ZNF211: variants seen among roughly 807,000 people sequenced by gnomAD.
ZNF211 encodes zinc finger protein 211, also known as zinc finger protein C2H2-25.
Under a neutral mutation model 12.1 loss-of-function variants are expected in ZNF211, and 18 were observed. The observed-to-expected ratio is 1.48, with a 90% CI of 1.03 to 2.20. The LOEUF (loss-of-function observed/expected upper bound fraction) is 2.20, where lower values mean the gene tolerates loss of function less well. Among genes scored for constraint, ZNF211 ranks in the 30% most tolerant of loss-of-function variants. ZNF211 has a pLI of 0.00. For missense variants in ZNF211, 677 were observed against 703.1 expected (o/e 0.96, Z 0.42); for synonymous variants, 249 against 246.0 (o/e 1.01, Z -0.11).
intron 1 of ZNF211, 164 bp from the exon 2 acceptor site, chr19:57,633,859 A>C: frequency 1.9e-6 from 3 of 1,603,152 alleles, no homozygotes; most frequent in Non-Finnish European, 2.5e-6. Context: ...TATTTTTCCA[A>C]GGCCACACAA....
chr19:57,633,532 A>G (rs1981709484), intron 1 of ZNF211, 96 bp downstream of exon 1: 4 of 1,497,232 alleles, frequency 2.7e-6, no homozygotes, highest in South Asian at 1.3e-5. Flanking sequence ...GGTCGGGGAC[A>G]CTGAGGCTCG....
chr19:57,637,564 TG>T (rs1448903327), intron 3 of ZNF211, among the ~76,000 whole-genome samples: 1 of 152,172 alleles, frequency 6.6e-6, no homozygotes, highest in East Asian at 1.9e-4. Context: ...AGTTTTTGTT[TG>T]TTGAACCATC....
At chr19:57,639,790 A>G in intron 3 of ZNF211, 6 of 1,092,354 alleles carry the variant, frequency 5.5e-6, no homozygotes, top group Non-Finnish European at 7.6e-6. Flanking sequence ...TTAACATCCT[A>G]AAGTTACAAC....
At chr19:57,633,637 G>A in intron 1 of ZNF211, 1 of 1,533,814 alleles carries the variant, frequency 6.5e-7, no homozygotes, top group Non-Finnish European at 8.7e-7. Flanking sequence ...AACCGAGAAG[G>A]GGGCATTCAG....
intron 1 of ZNF211, 126 bp from the exon 2 acceptor site, chr19:57,633,896 AG>A: frequency 6.2e-7 from 1 of 1,608,758 alleles, no homozygotes; most frequent in Non-Finnish European, 8.5e-7. Flanking sequence ...CTAAGGACCG[AG>A]GCGCACAGGT....
In ZNF211 at chr19:57,641,537, A is replaced by C; in HGVS notation, c.1090A>C (p.Ser364Arg). 1 of 1,614,204 alleles carries C rather than the reference A, an allele frequency of 6.2e-7. No individual in the cohort carries two copies. The highest frequency in any genetic ancestry group is 8.5e-7 in the Non-Finnish European group (1 of 1,180,036). ...ATGTGGGGAATGTGGGAAATCTTTT[A>C]GCCAAAGGTCCAACCTCATGCAGCA... ...YECGECGKSF[S>R]QRSNLMQHRR... is the part of the protein sequence containing the mutation. The change falls in exon 4 of 4, where the codon AGC becomes CGC. Residue 364 changes from serine (S) to arginine (R), a missense_variant. Physicochemically the swap from Ser to Arg is moderately radical, Grantham distance 110. Transcript: ENST00000240731.
intron 3 of ZNF211, among the ~76,000 whole-genome samples, chr19:57,636,229 C>T (rs1429496977): frequency 6.6e-6 from 1 of 152,086 alleles, no homozygotes; most frequent in Non-Finnish European, 1.5e-5. Flanking sequence ...CTTTGATGTA[C>T]AAGTTTCTCA....
chr19:57,639,408 CTTTTTTTTTTTTTT>C lies in ZNF211; in HGVS notation c.257-1278_257-1265del, dbSNP rs55696059. ...CTTCCCTTGTCATTTCCTTTATGTA[CTTTTTTTTTTTTTT>C]TTTTTTTTTTTTTTTTTAATGGTGT... On this transcript the variant is annotated intron_variant, in intron 3 of 3. Coordinates refer to ENST00000240731, the MANE Select transcript of ZNF211 (RefSeq NM_006385.5). Among the ~76,000 whole-genome samples the C allele has an allele frequency of 9.6e-5, 2 of 20,758 alleles. 1 individual carries two copies. The highest frequency in any genetic ancestry group is 1.8e-4 in the Non-Finnish European group (2 of 11,336). 13.6% of individuals were successfully genotyped at this position (20,758 alleles called of 152,430 possible).
rs1480260325 is a variant in ZNF211 at position 57,640,959 on chromosome 19, T to C, written c.512T>C (p.Ile171Thr). 6.2e-7 allele frequency: 1 copy of C among 1,614,218 alleles called. No homozygotes were observed. The highest frequency in any genetic ancestry group is 1.1e-5 in the South Asian group (1 of 91,088). The part of the protein sequence containing the change: ...ANLQQHQRQH[I>T]TEAPFRSYVD... ...CTTCAACAGCACCAGAGGCAGCACA[T>C]TACAGAGGCACCTTTCAGAAGTTAT... The change falls in exon 4 of 4, where the codon ATT becomes ACT. Residue 171 changes from isoleucine to threonine, a missense_variant. Coordinates refer to ENST00000240731, the MANE Select transcript of ZNF211 (RefSeq NM_006385.5).
chr19:57,633,737 G>T (rs1409213903), intron 1 of ZNF211: 3 of 1,533,618 alleles, frequency 2.0e-6, no homozygotes, highest in Non-Finnish European at 2.6e-6. Flanking sequence ...TAGAGAGCTT[G>T]CGCAAACGAG....
In ZNF211 at chr19:57,642,756, A is replaced by T. The variant is rs1212715246; in HGVS notation, c.*575A>T. The T allele has an allele frequency of 6.5e-6, 1 of 152,864 alleles. No homozygotes were observed. Among genetic ancestry groups the T allele is most frequent in the African/African-American group, 2.4e-5 (1 of 41,424 alleles). The allele number at this position is 152,864 out of a possible 1,614,324, so 9.5% of individuals were successfully genotyped here. A position where few individuals can be genotyped will look rare whatever the true frequency, so the allele number is the denominator to read the frequency against. Reference sequence around the variant, plus strand: ...TGTTTTTTACAATAATAAAAGCATTATTATTTAAGCTACCTTTATCTTGGC... The same window carrying T: ...TGTTTTTTACAATAATAAAAGCATTTTTATTTAAGCTACCTTTATCTTGGC... On this transcript the variant is annotated 3_prime_UTR_variant, in exon 4 of 4. Coordinates refer to ENST00000240731, the MANE Select transcript of ZNF211 (RefSeq NM_006385.5).
At chr19:57,633,692 G>T in intron 1 of ZNF211, 3 of 1,534,038 alleles carry the variant, frequency 2.0e-6, no homozygotes, top group Non-Finnish European at 2.6e-6. Flanking sequence ...AAGTTTGAGA[G>T]AGATCTACCT....
Position 57,642,285 on chromosome 19 carries a change from T to C in ZNF211, c.*104T>C, listed in dbSNP as rs576671938. 3.1e-6 allele frequency: 4 copies of C among 1,295,486 alleles called. No homozygotes were observed. Among genetic ancestry groups the C allele is most frequent in the East Asian group, 2.3e-5 (1 of 43,014 alleles). 80.2% of individuals were successfully genotyped at this position (1,295,486 alleles called of 1,614,324 possible). A position where few individuals can be genotyped will look rare whatever the true frequency, so the allele number is the denominator to read the frequency against. Reference sequence around the variant, plus strand: ...TTGGAAGCCCCAACATCTAAGGATATACAGTGGGCGGATTCCCCTTAAGTT... The same window carrying C: ...TTGGAAGCCCCAACATCTAAGGATACACAGTGGGCGGATTCCCCTTAAGTT... On this transcript the variant is annotated 3_prime_UTR_variant, in exon 4 of 4. Coordinates refer to ENST00000240731, the MANE Select transcript of ZNF211 (RefSeq NM_006385.5).
At position 57,641,063 on chromosome 19, in the gene ZNF211, G is replaced by T; in HGVS notation, c.616G>T (p.Asp206Tyr). The T allele has an allele frequency of 6.2e-7, 1 of 1,614,196 alleles. No individual in the cohort carries two copies. Among genetic ancestry groups the T allele is most frequent in the Non-Finnish European group, 8.5e-7 (1 of 1,180,024 alleles). The change falls in exon 4 of 4, where the codon GAC becomes TAC. Residue 206 changes from aspartate (D) to tyrosine (Y), a missense_variant. Physicochemically the swap from Asp to Tyr is radical, Grantham distance 160. Coordinates refer to ENST00000240731, the MANE Select transcript of ZNF211 (RefSeq NM_006385.5). Reference protein sequence around the residue: ...KPFTCREIRKDFLANMRFLHQ... With the variant: ...KPFTCREIRKYFLANMRFLHQ... ...CTTTACCTGCAGGGAGATCAGGAAA[G>T]ACTTCCTGGCCAACATGAGGTTTCT...
chr19:57,633,973 A>T (rs1412761262), intron 1 of ZNF211, 50 bp from the exon 2 acceptor site: 4 of 1,600,004 alleles, frequency 2.5e-6, no homozygotes, highest in Middle Eastern at 1.7e-4. Flanking sequence ...GCCTGTGCCC[A>T]TGGAGCACTG....
rs1013181493 is a variant in ZNF211 at position 57,643,171 on chromosome 19, A to G, written c.*990A>G. ...CTACCCCCAGTGCTGCCAAGGAGCC[A>G]AGTGCCCCAATACAATTTAGTAGGC... On this transcript the variant is annotated 3_prime_UTR_variant, in exon 4 of 4. Transcript: ENST00000240731. Among the ~76,000 whole-genome samples, 1 of 152,096 alleles carries G rather than the reference A, an allele frequency of 6.6e-6. No homozygotes were observed. The highest frequency in any genetic ancestry group is 2.4e-5 in the African/African-American group (1 of 41,400).
rs1400472650 is a variant in ZNF211, at chr19:57,643,241, A to T, written c.*1060A>T. On this transcript the variant is annotated 3_prime_UTR_variant, in exon 4 of 4. Transcript: ENST00000240731. ...TGGGGGAACCATAATTGGTGTGGAA[A>T]CACTGGGTTACTAGGGAGTGAAGGA... 6.6e-6 allele frequency among the ~76,000 whole-genome samples: 1 copy of T among 152,038 alleles called. No individual in the cohort carries two copies. The highest frequency in any genetic ancestry group is 1.5e-5 in the Non-Finnish European group (1 of 68,022).
chr19:57,634,240 T>C (rs1200099522), intron 2 of ZNF211, 179 bp downstream of exon 2: 3 of 625,158 alleles, frequency 4.8e-6, no homozygotes, highest in South Asian at 3.6e-5. Context: ...ATGTTTCCAT[T>C]TGGAGCAGCC....
chr19:57,634,560 A>G (rs781038407), intron 2 of ZNF211, 69 bp from the exon 3 acceptor site: 4 of 1,456,574 alleles, frequency 2.7e-6, no homozygotes, highest in East Asian at 2.5e-5. Flanking sequence ...AGGAGAATGT[A>G]TGGGGACATG....
Sources: allele counts gnomAD v4.1 joint callset (sites outside exome capture counted in the v4.1 genomes callset), GRCh38; gene constraint gnomAD v4.1.1; transcripts MANE v1.5; gene names NCBI Gene and HGNC (gene_info 2026-07-23, HGNC 2026-07-21).